The following BCL11A variants were observed in gnomAD, a reference collection of about 807,000 sequenced individuals.
BCL11A encodes the protein B cell CLL/lymphoma 11A.
Under a neutral mutation model 55.9 loss-of-function variants are expected in BCL11A, and 2 were observed. That is an observed-to-expected ratio of 0.04 (90% CI 0.01 to 0.11). The LOEUF (loss-of-function observed/expected upper bound fraction) is 0.11. BCL11A is among the 10% of genes least tolerant of loss of function. The pLI, the probability that BCL11A is intolerant of heterozygous loss-of-function variation, is 1.00. For synonymous variants in BCL11A, 465 were observed against 473.4 expected (o/e 0.98, Z 0.23); for missense variants, 817 against 1,137.1 (o/e 0.72, Z 4.05).
At chr2:60,534,418 C>G (rs1319055890) in intron 2 of BCL11A, 2 of 152,232 alleles carry the variant, frequency 1.3e-5, no homozygotes, top group African/African-American at 4.8e-5. Context: ...CTTCCCTCCT[C>G]CAAAGGAGGA....
intron 2 of BCL11A, chr2:60,541,966 T>C: frequency 2.9e-6 from 2 of 686,040 alleles, no homozygotes; most frequent in East Asian, 2.7e-5. Context: ...AAAAGGTAAG[T>C]TCATTTTCTA....
intron 3 of BCL11A, among the ~76,000 whole-genome samples, chr2:60,467,129 A>ATGGTGGTGT (rs1676683534): frequency 2.8e-5 from 2 of 70,690 alleles, no homozygotes; most frequent in Non-Finnish European, 3.0e-5. Flanking sequence ...GGTGGTGGTG[A>ATGGTGGTGT]TGGTGGTGTT....
At chr2:60,526,202 A>G (rs932729630) in intron 2 of BCL11A, 1 of 152,250 alleles carries the variant, frequency 6.6e-6, no homozygotes, top group Non-Finnish European at 1.5e-5. Flanking sequence ...TCAAATTCAG[A>G]ATCCCATATT....
intron 2 of BCL11A, among the ~76,000 whole-genome samples, chr2:60,516,427 C>T (rs548881545): frequency 1.3e-5 from 2 of 152,248 alleles, no homozygotes; most frequent in African/African-American, 2.4e-5. Flanking sequence ...GCTAACTTAC[C>T]GAGCAGTAAG....
chr2:60,459,981 C>A lies in BCL11A; in HGVS notation c.*423G>T. On this transcript the variant is annotated 3_prime_UTR_variant, in exon 4 of 4. Transcript: ENST00000642384. ...CTCAGAACGGAACTGGAAACAGCAA[C>A]ATGTTTGCTCAGCAACGAATTAGGG... 1 of 1,067,028 alleles carries A rather than the reference C, an allele frequency of 9.4e-7. No homozygotes were observed. 66.1% of individuals were successfully genotyped at this position (1,067,028 alleles called of 1,614,324 possible).
chr2:60,503,050 T>C lies in BCL11A; in HGVS notation c.386-34217A>G, dbSNP rs113868832. 2.5e-4 allele frequency among the ~76,000 whole-genome samples: 38 copies of C among 152,310 alleles called. 1 individual carries two copies. The highest frequency in any genetic ancestry group is 8.7e-4 in the African/African-American group (36 of 41,556). Reference sequence around the variant, plus strand: ...TGGAGCAAAACCAACGTGTCTGTCATCTTAATACACACGGAATGTGTTGAA... The same window carrying C: ...TGGAGCAAAACCAACGTGTCTGTCACCTTAATACACACGGAATGTGTTGAA... On this transcript the variant is annotated intron_variant, in intron 2 of 3. Transcript: ENST00000642384.
chr2:60,502,657 C>A (rs1043528287), intron 2 of BCL11A, among the ~76,000 whole-genome samples: 1 of 152,142 alleles, frequency 6.6e-6, no homozygotes, highest in Non-Finnish European at 1.5e-5. Context: ...ATTTTTTAAA[C>A]CAGAAACTCT....
At position 60,461,442 on chromosome 2, in the gene BCL11A, G is replaced by C; in HGVS notation, c.1470C>G (p.Asp490Glu). The part of the protein sequence containing the change: ...PENGDEEEEE[D>E]DEEEEEEEEE... ...CCTCCTCTTCTTCCTCTTCCTCGTCGTCCTCCTCTTCCTCCTCGTCCCCGT... is the reference window on the plus strand; with the variant it reads ...CCTCCTCTTCTTCCTCTTCCTCGTCCTCCTCCTCTTCCTCCTCGTCCCCGT... Residue 490 changes from aspartate (D) to glutamate (E), a missense_variant, in exon 4 of 4, where the codon GAC becomes GAG. Coordinates refer to ENST00000642384, the MANE Select transcript of BCL11A (RefSeq NM_022893.4). 1.2e-6 allele frequency: 2 copies of C among 1,603,774 alleles called. No homozygotes were observed. Among genetic ancestry groups the C allele is most frequent in the South Asian group, 1.1e-5 (1 of 90,728 alleles).
chr2:60,498,804 C>T (rs992236152), intron 2 of BCL11A, among the ~76,000 whole-genome samples: 1 of 152,176 alleles, frequency 6.6e-6, no homozygotes, highest in African/African-American at 2.4e-5. Context: ...AGACTTGTGG[C>T]TTAAGGAAGC....
At chr2:60,552,705 A>G (rs7577014) in intron 1 of BCL11A, among the ~76,000 whole-genome samples, 97,485 of 151,888 alleles carry the variant, frequency 0.64, 32,068 homozygotes, top group Middle Eastern at 0.77. Context: ...GGTGTCCAAA[A>G]GCCAGTCTCA....
chr2:60,491,635 C>A (rs1678638662), intron 2 of BCL11A, among the ~76,000 whole-genome samples: 1 of 150,400 alleles, frequency 6.6e-6, no homozygotes, highest in East Asian at 2.0e-4. Context: ...CGCGCCATTG[C>A]ATTCCAGCCC....
In BCL11A at chr2:60,457,367, A is replaced by T. The variant is rs1447450187; in HGVS notation, c.*3037T>A. 9 of 710,288 alleles carry T rather than the reference A, an allele frequency of 1.3e-5. No individual in the cohort carries two copies. Among genetic ancestry groups the T allele is most frequent in the African/African-American group, 1.9e-5 (1 of 51,450 alleles). 44.0% of individuals were successfully genotyped at this position (710,288 alleles called of 1,614,324 possible). On this transcript the variant is annotated 3_prime_UTR_variant, in exon 4 of 4. Transcript: ENST00000642384. ...TGTAATGACCTTTGGTCATCTAAAT[A>T]AAAAAAAAAATAAAAACAAAGAAAA...
In BCL11A at chr2:60,457,460, A is replaced by G; in HGVS notation, c.*2944T>C. 1 of 1,040,336 alleles carries G rather than the reference A, an allele frequency of 9.6e-7. No homozygotes were observed. The highest frequency in any genetic ancestry group is 4.6e-5 in the South Asian group (1 of 21,744). The allele number at this position is 1,040,336 out of a possible 1,614,324, so 64.4% of individuals were successfully genotyped here. ...TAAGCAATAATAAATAGTGACTCCC[A>G]TAGTAAAAGATAAAATTTCAAGTTA... On this transcript the variant is annotated 3_prime_UTR_variant, in exon 4 of 4. Transcript: ENST00000642384.
At position 60,546,497 on chromosome 2, in the gene BCL11A, T is replaced by C. The variant is rs1424802371; in HGVS notation, c.56-197A>G. ...ATCAACCAGAGAGCAAATTTGTCAA[T>C]GAGGCAAATCATCACATATGTAAAG... On this transcript the variant is annotated intron_variant, in intron 1 of 3. Coordinates refer to ENST00000642384, the MANE Select transcript of BCL11A (RefSeq NM_022893.4). The surrounding 1 kb of genome is among the most constrained non-coding windows in gnomAD (Gnocchi z 4.1). 1.4e-5 allele frequency: 8 copies of C among 582,468 alleles called. No individual in the cohort carries two copies. The South Asian group carries it at 1.7e-4, about 12-fold the overall frequency. 36.1% of individuals were successfully genotyped at this position (582,468 alleles called of 1,614,324 possible).
chr2:60,453,903 A>C (rs2103753756), downstream of BCL11A, among the ~76,000 whole-genome samples: 1 of 152,274 alleles, frequency 6.6e-6, no homozygotes, highest in South Asian at 2.1e-4. Context: ...TATTTGGATC[A>C]ACCATCGAGC....
At chr2:60,505,307 C>T (rs1679523538) in intron 2 of BCL11A, among the ~76,000 whole-genome samples, 1 of 152,228 alleles carries the variant, frequency 6.6e-6, no homozygotes, top group Non-Finnish European at 1.5e-5. Flanking sequence ...TTTGGCACCC[C>T]ATTCTTCCAG....
rs1676257132 is a variant in BCL11A, at chr2:60,461,262, C to T, written c.1650G>A (p.Met550Ile). ...SRALPDVMQG[M>I]VLSSMQHFSE... ...TGAAGTGCTGCATGGAGCTGAGCAC[C>T]ATGCCCTGCATGACGTCGGGCAGGG... Residue 550 changes from methionine to isoleucine, a missense_variant, in exon 4 of 4, where the codon ATG becomes ATA. Met to Ile is a conservative substitution (Grantham distance 10). Coordinates refer to ENST00000642384, the MANE Select transcript of BCL11A (RefSeq NM_022893.4). The T allele has an allele frequency of 6.2e-7, 1 of 1,607,844 alleles. No homozygotes were observed. Among genetic ancestry groups the T allele is most frequent in the South Asian group, 1.1e-5 (1 of 91,052 alleles).
At chr2:60,472,581 C>T (rs1675016535) in intron 2 of BCL11A, among the ~76,000 whole-genome samples, 1 of 152,138 alleles carries the variant, frequency 6.6e-6, no homozygotes, top group African/African-American at 2.4e-5. Flanking sequence ...ATGCAGCAAA[C>T]TGGGAATGGC....
chr2:60,467,201 A>ATGGTGGTGGTGG, intron 3 of BCL11A, among the ~76,000 whole-genome samples: 1 of 66,148 alleles, frequency 1.5e-5, no homozygotes. Context: ...GGTGGTGGTG[A>ATGGTGGTGGTGG]TGGCGGTGAT....
Sources: gnomAD v4.1 joint callset for allele counts (sites outside exome capture counted in the v4.1 genomes callset) on GRCh38, gnomAD v4.1.1 for gene constraint, Gnocchi (gnomAD v3.1) non-coding constraint, MANE v1.5 for transcripts, NCBI Gene and HGNC (gene_info 2026-07-23, HGNC 2026-07-21) for gene names.